TMEM200A: variants seen among roughly 807,000 people sequenced by gnomAD.
The protein encoded by TMEM200A is two transmembrane C.
TMEM200A carries 12 observed loss-of-function variants against 24.3 expected under a neutral mutation model. The ratio of observed to expected loss-of-function variants is 0.49; its 90% confidence interval spans 0.32 to 0.80. The LOEUF is 0.80. Among genes scored for constraint, TMEM200A ranks in the 30% least tolerant of loss-of-function variants. The probability of loss-of-function intolerance (pLI) is 0.04; values close to 1 mark genes in which losing one functional copy is unlikely to be tolerated. For missense variants in TMEM200A, 545 were observed against 614.4 expected, an observed-to-expected ratio of 0.89 and a Z score of 1.19; for synonymous variants, 224 against 224.4, an observed-to-expected ratio of 1.00 and a Z score of 0.02.
chr6:130,365,655 G>C, upstream of TMEM200A: 1 of 985,464 alleles, frequency 1.0e-6, no homozygotes, highest in Non-Finnish European at 1.2e-6. Context: ...CTAGAGGCGG[G>C]CCCCACGGGT....
At chr6:130,370,912 A>T (rs769659567) in intron 1 of TMEM200A, among the ~76,000 whole-genome samples, 2 of 152,194 alleles carry the variant, frequency 1.3e-5, no homozygotes, top group Admixed American at 6.5e-5. Context: ...GAAGTGATTA[A>T]CACAGAACTA....
At chr6:130,379,145 G>C (rs1034571906) in intron 1 of TMEM200A, among the ~76,000 whole-genome samples, 18 of 152,202 alleles carry the variant, frequency 1.2e-4, no homozygotes, top group African/African-American at 4.3e-4. Context: ...TGGGGATTAA[G>C]TTTTTAACAC....
chr6:130,420,961 A>C (rs1779568780), intron 2 of TMEM200A: 1 of 152,116 alleles, frequency 6.6e-6, no homozygotes, highest in Non-Finnish European at 1.5e-5. Flanking sequence ...TGCTGCCTCA[A>C]GTCATGTTTC....
chr6:130,384,723 A>G (rs768237266), intron 1 of TMEM200A, among the ~76,000 whole-genome samples: 24 of 152,228 alleles, frequency 1.6e-4, no homozygotes, highest in Non-Finnish European at 2.9e-5. Context: ...TCTGATATGT[A>G]TCATTAGATA....
chr6:130,375,668 C>A lies in TMEM200A; in HGVS notation c.-81+9144C>A, dbSNP rs540982120. Reference sequence around the variant, plus strand: ...TTTGAGGCATTTAAGCTACAACCTGCGAGAGAATGAGGAGCCAGCCTCACA... The same window carrying A: ...TTTGAGGCATTTAAGCTACAACCTGAGAGAGAATGAGGAGCCAGCCTCACA... On this transcript the variant is annotated intron_variant, in intron 1 of 2. Coordinates refer to ENST00000296978, the MANE Select transcript of TMEM200A (RefSeq NM_001258277.2). 6.6e-5 allele frequency among the ~76,000 whole-genome samples: 10 copies of A among 152,194 alleles called. No individual in the cohort carries two copies. The South Asian group carries it at 1.7e-3, about 25-fold the overall frequency.
At chr6:130,427,199 G>C (rs1414054456) in intron 2 of TMEM200A, among the ~76,000 whole-genome samples, 1 of 152,114 alleles carries the variant, frequency 6.6e-6, no homozygotes, top group Non-Finnish European at 1.5e-5. Context: ...TTGGAAATGA[G>C]ATAAAAGCAG....
intron 2 of TMEM200A, among the ~76,000 whole-genome samples, chr6:130,435,575 T>A (rs1225176186): frequency 6.6e-6 from 1 of 152,192 alleles, no homozygotes. Flanking sequence ...AGAGCTTTCT[T>A]TGCTCTATAC....
chr6:130,396,875 C>T (rs969186107), intron 2 of TMEM200A, among the ~76,000 whole-genome samples: 1 of 152,014 alleles, frequency 6.6e-6, no homozygotes, highest in Non-Finnish European at 1.5e-5. Context: ...GGCTTCTTCC[C>T]CCGGCATTCC....
intron 2 of TMEM200A, chr6:130,439,332 T>C (rs895622203): frequency 1.3e-5 from 2 of 152,202 alleles, no homozygotes; most frequent in African/African-American, 2.4e-5. Context: ...GGACATCGTA[T>C]ATTGGAAATT....
At chr6:130,381,382 TG>T (rs1234023732) in intron 1 of TMEM200A, among the ~76,000 whole-genome samples, 5 of 152,364 alleles carry the variant, frequency 3.3e-5, no homozygotes, top group Middle Eastern at 6.8e-3. Flanking sequence ...AATATAGTTT[TG>T]TTTTTTTTAA....
chr6:130,366,481 C>A lies in TMEM200A; in HGVS notation c.-124C>A, dbSNP rs1778149272. On this transcript the variant is annotated 5_prime_UTR_variant, in exon 1 of 3. Transcript: ENST00000296978. This position sits in a 1 kb window ranked among gnomAD's most constrained non-coding sequence, Gnocchi z 4.4. ...CCTGGAGTGAGACCAGGACTGAGAACAGGGAGAGGCGACCCGACCCCCAGG... is the reference window on the plus strand; with the variant it reads ...CCTGGAGTGAGACCAGGACTGAGAAAAGGGAGAGGCGACCCGACCCCCAGG... The A allele has an allele frequency of 7.1e-6, 7 of 985,758 alleles. No homozygotes were observed. Among genetic ancestry groups the A allele is most frequent in the Non-Finnish European group, 8.4e-6 (7 of 830,308 alleles). The allele number at this position is 985,758 out of a possible 1,614,324, so 61.1% of individuals were successfully genotyped here.
At chr6:130,390,047 G>A (rs2115106290) in intron 2 of TMEM200A, among the ~76,000 whole-genome samples, 1 of 152,264 alleles carries the variant, frequency 6.6e-6, no homozygotes, top group South Asian at 2.1e-4. Flanking sequence ...TGGTTTCTTA[G>A]ATGTTCTGTT....
chr6:130,419,934 CACACATGGTGGAAGGTGGTGCT>C (rs1426970772), intron 2 of TMEM200A, among the ~76,000 whole-genome samples: 5 of 152,288 alleles, frequency 3.3e-5, no homozygotes, highest in Middle Eastern at 6.8e-3. Context: ...AAGATGGTGC[CACACATGGTGGAAGGTGGTGCT>C]ACACATGGTG....
intron 2 of TMEM200A, chr6:130,438,375 A>T (rs538280872): frequency 6.6e-6 from 1 of 152,348 alleles, no homozygotes; most frequent in East Asian, 1.9e-4. Flanking sequence ...TAGAAATTCA[A>T]AAGGAGAGCT....
intron 2 of TMEM200A, among the ~76,000 whole-genome samples, chr6:130,408,869 A>G (rs1429296147): frequency 6.6e-6 from 1 of 152,128 alleles, no homozygotes; most frequent in Non-Finnish European, 1.5e-5. Context: ...GAGACCTGCC[A>G]TAGGAGTAGT....
chr6:130,404,357 A>C lies in TMEM200A; in HGVS notation c.-17+19121A>C, dbSNP rs572183595. ...AGCATCTGTTATTTTTTGACTTTTT[A>C]ATGATAGCCATTCTGACTAGTGTGA... On this transcript the variant is annotated intron_variant, in intron 2 of 2. Transcript: ENST00000296978. 2.6e-5 allele frequency among the ~76,000 whole-genome samples: 4 copies of C among 152,182 alleles called. No homozygotes were observed. The South Asian group carries it at 8.3e-4, about 32-fold the overall frequency.
intron 2 of TMEM200A, among the ~76,000 whole-genome samples, chr6:130,419,144 C>A (rs1779522945): frequency 6.6e-6 from 1 of 152,146 alleles, no homozygotes; most frequent in Non-Finnish European, 1.5e-5. Context: ...TTTTTTAGCT[C>A]CCACATATGA....
chr6:130,408,038 G>C (rs1021839391), intron 2 of TMEM200A, among the ~76,000 whole-genome samples: 13 of 152,164 alleles, frequency 8.5e-5, no homozygotes, highest in Non-Finnish European at 8.8e-5. Context: ...GGCATGCAAA[G>C]GTTGGTAAAG....
chr6:130,385,970 T>C (rs1778702846), intron 2 of TMEM200A, among the ~76,000 whole-genome samples: 1 of 152,218 alleles, frequency 6.6e-6, no homozygotes, highest in Non-Finnish European at 1.5e-5. Flanking sequence ...AAAATTGTTT[T>C]GTATATTGGT....
Sources: gnomAD v4.1 joint callset for allele counts (sites outside exome capture counted in the v4.1 genomes callset) on GRCh38, gnomAD v4.1.1 for gene constraint, Gnocchi (gnomAD v3.1) non-coding constraint, MANE v1.5 for transcripts, NCBI Gene and HGNC (gene_info 2026-07-23, HGNC 2026-07-21) for gene names.